The following FCRL5 variants were observed in gnomAD, a reference collection of about 807,000 sequenced individuals.
FCRL5 encodes the protein Fc receptor-like protein 5.
FCRL5 carries 79 observed loss-of-function variants against 92.1 expected under a neutral mutation model. The ratio of observed to expected loss-of-function variants is 0.86; its 90% confidence interval spans 0.72 to 1.03. FCRL5 has a LOEUF of 1.03. Among genes scored for constraint, FCRL5 ranks in the 50% least tolerant of loss-of-function variants. The probability of loss-of-function intolerance (pLI) is 0.00; values close to 1 mark genes in which losing one functional copy is unlikely to be tolerated. For synonymous variants in FCRL5, 466 were observed against 469.3 expected, an observed-to-expected ratio of 0.99 and a Z score of 0.09; for missense variants, 1,160 against 1,181.1, an observed-to-expected ratio of 0.98 and a Z score of 0.26.
At chr1:157,541,398 C>T (rs1334186870) in intron 6 of FCRL5, among the ~76,000 whole-genome samples, 1 of 152,228 alleles carries the variant, frequency 6.6e-6, no homozygotes, top group African/African-American at 2.4e-5. Flanking sequence ...GATTGCCCTG[C>T]AAAATATGGC....
chr1:157,530,850 CAT>C (rs1270369141), intron 8 of FCRL5, among the ~76,000 whole-genome samples: 1 of 152,138 alleles, frequency 6.6e-6, no homozygotes, highest in Non-Finnish European at 1.5e-5. Flanking sequence ...AATTCTTAGA[CAT>C]GGAATTTCTG....
At chr1:157,521,413 GA>G in intron 10 of FCRL5, 121 bp from the exon 11 acceptor site, 4 of 1,224,028 alleles carry the variant, frequency 3.3e-6, no homozygotes, top group Non-Finnish European at 4.4e-6. Flanking sequence ...TTAAAACATA[GA>G]TGATAAAGCT....
intron 6 of FCRL5, chr1:157,542,628 G>A (rs1651318542): frequency 2.0e-6 from 1 of 499,722 alleles, no homozygotes; most frequent in Admixed American, 3.4e-5. Context: ...GGGAACCAGG[G>A]GATAGAAAGC....
chr1:157,546,450 A>AAAACCAAACCAAACCAAACCAAACC (rs60618941), intron 3 of FCRL5, among the ~76,000 whole-genome samples: 3,042 of 145,100 alleles, frequency 0.021, 71 homozygotes, highest in East Asian at 0.083. Flanking sequence ...TCCATCTCAA[A>AAAACCAAACCAAACCAAACCAAACC]AAACCAAACC....
chr1:157,545,310 C>T (rs1452252031), intron 3 of FCRL5, among the ~76,000 whole-genome samples: 1 of 152,060 alleles, frequency 6.6e-6, no homozygotes, highest in Non-Finnish European at 1.5e-5. Context: ...CATGTTTTGG[C>T]ATATGTTTTT....
In FCRL5 at chr1:157,534,796, G is replaced by A; in HGVS notation, c.1499C>T (p.Ser500Phe). 6.2e-7 allele frequency: 1 copy of A among 1,612,940 alleles called. No individual in the cohort carries two copies. Among genetic ancestry groups the A allele is most frequent in the South Asian group, 1.1e-5 (1 of 90,778 alleles). ...ATAAAACTGGTATAGGATTTGTGGG[G>A]AACCTCTCTGGACTTCACAGTGAAG... ...VTLHCEVQRGSPQILYQFYHE... is the reference protein window; with the variant it reads ...VTLHCEVQRGFPQILYQFYHE... The change falls in exon 8 of 17, where the codon TCC (serine) becomes TTC (phenylalanine). Residue 500 changes from serine (S) to phenylalanine (F), a missense_variant. Ser to Phe is a radical substitution (Grantham distance 155). Transcript: ENST00000361835.
Position 157,515,577 on chromosome 1 carries a change from C to G in FCRL5, c.*98G>C, listed in dbSNP as rs983831800. ...TGAAACAAAGGCCAGTAGATATGGT[C>G]TGGGGCAGCCTAAATCTTCCCACTT... On this transcript the variant is annotated 3_prime_UTR_variant, in exon 17 of 17. Coordinates refer to ENST00000361835, the MANE Select transcript of FCRL5 (RefSeq NM_031281.3). The G allele has an allele frequency of 3.1e-6, 5 of 1,612,430 alleles. No individual in the cohort carries two copies. The highest frequency in any genetic ancestry group is 3.4e-6 in the Non-Finnish European group (4 of 1,179,720).
At chr1:157,539,451 A>C (rs1571101773) in intron 6 of FCRL5, 87 bp from the exon 7 acceptor site, 2 of 1,278,856 alleles carry the variant, frequency 1.6e-6, no homozygotes, top group Non-Finnish European at 2.1e-6. Context: ...GGAACCCCAA[A>C]TCACTAAGCC....
chr1:157,519,717 A>T lies in FCRL5; in HGVS notation c.2660+26T>A, dbSNP rs368264000. The T allele has an allele frequency of 5.6e-6, 9 of 1,611,118 alleles. No homozygotes were observed. The South Asian group carries it at 9.9e-5, about 18-fold the overall frequency. On this transcript the variant is annotated intron_variant, in intron 13 of 16. Transcript: ENST00000361835. ...CCACCCTGTGGACATTTCACTAATC[A>T]CACAGGAATGCAGCTCAGCTCTTAC...
Position 157,534,654 on chromosome 1 carries a change from A to G in FCRL5, c.1641T>C (p.Phe547=). 1 of 1,614,204 alleles carries G rather than the reference A, an allele frequency of 6.2e-7. No individual in the cohort carries two copies. The highest frequency in any genetic ancestry group is 8.5e-7 in the Non-Finnish European group (1 of 1,180,050). The part of the protein sequence containing the change: ...GNYYCTADNG[F]GPQRSEVVSL... ...TCACCACTTCACTGCGCTGGGGACC[A>G]AAGCCATTGTCAGCTGTGCAGTAGT... is the stretch of plus-strand genomic sequence containing the variant. Residue 547 remains phenylalanine, a synonymous_variant, in exon 8 of 17, where the codon TTT becomes TTC. Coordinates refer to ENST00000361835, the MANE Select transcript of FCRL5 (RefSeq NM_031281.3).
intron 15 of FCRL5, chr1:157,516,141 G>T (rs2101588102): frequency 3.4e-6 from 2 of 581,450 alleles, no homozygotes; most frequent in East Asian, 5.7e-5. Context: ...AAAGTCATTT[G>T]TCTTTTATCT....
chr1:157,548,221 T>G (rs1651648153), intron 2 of FCRL5, among the ~76,000 whole-genome samples: 1 of 152,228 alleles, frequency 6.6e-6, no homozygotes, highest in South Asian at 2.1e-4. Context: ...AGGGTGACCA[T>G]GAAGCTATCC....
At position 157,521,255 on chromosome 1, in the gene FCRL5, G is replaced by C; in HGVS notation, c.2277C>G (p.Pro759=). 1 of 1,613,934 alleles carries C rather than the reference G, an allele frequency of 6.2e-7. No individual in the cohort carries two copies. The highest frequency in any genetic ancestry group is 1.1e-5 in the South Asian group (1 of 91,078). Residue 759 remains proline, a synonymous_variant, in exon 11 of 17, where the codon CCC becomes CCG. Coordinates refer to ENST00000361835, the MANE Select transcript of FCRL5 (RefSeq NM_031281.3). ...GGTCCCCCACCGCAGCATGGGTCCC[G>C]GGAGCCCTGAGGGTGAGGACCGGGC... The part of the protein sequence containing the change: ...VSRPVLTLRA[P]GTHAAVGDLL...
In FCRL5 at chr1:157,543,053, G is replaced by A. The variant is rs757059778; in HGVS notation, c.929C>T (p.Thr310Ile). ...CAAAGTGCGCAGAGAATCTTCCTGGGTTTCACAGTGAAGTGTCACCTTGGT... is the reference window on the plus strand; with the variant it reads ...CAAAGTGCGCAGAGAATCTTCCTGGATTTCACAGTGAAGTGTCACCTTGGT... Reference protein sequence around the residue: ...EGTKVTLHCETQEDSLRTLYR... With the variant: ...EGTKVTLHCEIQEDSLRTLYR... Residue 310 changes from threonine to isoleucine, a missense_variant, in exon 6 of 17, where the codon ACC (threonine) becomes ATC (isoleucine). Physicochemically the swap from Thr to Ile is moderately conservative, Grantham distance 89. Coordinates refer to ENST00000361835, the MANE Select transcript of FCRL5 (RefSeq NM_031281.3). 100 of 1,614,110 alleles carry A rather than the reference G, an allele frequency of 6.2e-5. No individual in the cohort carries two copies. The highest frequency in any genetic ancestry group is 7.5e-5 in the Non-Finnish European group (89 of 1,180,042).
intron 9 of FCRL5, among the ~76,000 whole-genome samples, chr1:157,527,120 G>C (rs956755257): frequency 2.0e-5 from 3 of 152,206 alleles, no homozygotes; most frequent in African/African-American, 7.2e-5. Context: ...CAGGTAAGGA[G>C]GCAGAAGAAT....
At position 157,521,111 on chromosome 1, in the gene FCRL5, G is replaced by T. The variant is rs1338785628; in HGVS notation, c.2421C>A (p.Leu807=). The change falls in exon 11 of 17, where the codon CTC becomes CTA. Residue 807 remains leucine, a synonymous_variant. Coordinates refer to ENST00000361835, the MANE Select transcript of FCRL5 (RefSeq NM_031281.3). ...SSPSGGASLN[L]SLTAEHSGNY... Reference sequence around the variant, plus strand: ...TTCCAGAGTGCTCTGCAGTCAGAGAGAGGTTTAAGGACGCTCCTCCAGAGG... The same window carrying T: ...TTCCAGAGTGCTCTGCAGTCAGAGATAGGTTTAAGGACGCTCCTCCAGAGG... 1 of 1,614,080 alleles carries T rather than the reference G, an allele frequency of 6.2e-7. No individual in the cohort carries two copies. Among genetic ancestry groups the T allele is most frequent in the Non-Finnish European group, 8.5e-7 (1 of 1,180,046 alleles).
intron 3 of FCRL5, 24 bp from the exon 4 acceptor site, chr1:157,545,106 T>C: frequency 6.2e-7 from 1 of 1,605,800 alleles, no homozygotes; most frequent in South Asian, 1.1e-5. Flanking sequence ...AATAGAGTTA[T>C]TTGGTTCATC....
At chr1:157,536,934 A>C (rs1294772127) in intron 7 of FCRL5, among the ~76,000 whole-genome samples, 1 of 152,188 alleles carries the variant, frequency 6.6e-6, no homozygotes, top group African/African-American at 2.4e-5. Context: ...GATTTCATGG[A>C]CACTTATCAC....
rs1651458504 is a variant in FCRL5 at position 157,544,961 on chromosome 1, T to G, written c.429A>C (p.Ala143=). 1 of 1,614,254 alleles carries G rather than the reference T, an allele frequency of 6.2e-7. No homozygotes were observed. Among genetic ancestry groups the G allele is most frequent in the Non-Finnish European group, 8.5e-7 (1 of 1,180,044 alleles). Residue 143 remains alanine (A), a synonymous_variant, in exon 4 of 17, where the codon GCA becomes GCC. Transcript: ENST00000361835. ...GGAAGTCAGTTCTTTTATTAAGGAA[T>G]GCCAGGACATTATCATTCTTGTAAA... ...NTIYKNDNVL[A]FLNKRTDFHI... is the part of the protein sequence containing the mutation.
Sources: gnomAD v4.1 joint callset for allele counts (sites outside exome capture counted in the v4.1 genomes callset) on GRCh38, gnomAD v4.1.1 for gene constraint, MANE v1.5 for transcripts, NCBI Gene and HGNC (gene_info 2026-07-23, HGNC 2026-07-21) for gene names.